LITAF: variants seen among roughly 807,000 people sequenced by gnomAD.
The protein encoded by LITAF is lipopolysaccharide-induced tumor necrosis factor-alpha factor.
A neutral mutation model predicts 14.5 loss-of-function variants in LITAF; 9 were observed. The observed-to-expected ratio is 0.62, with a 90% CI of 0.37 to 1.08. The LOEUF (loss-of-function observed/expected upper bound fraction) is 1.08. Among genes scored for constraint, LITAF ranks in the 50% least tolerant of loss-of-function variants. The pLI is 0.01. For synonymous variants in LITAF, 98 were observed against 88.2 expected (o/e 1.11, Z -0.62); for missense variants, 206 against 213.4 (o/e 0.97, Z 0.22).
Position 11,565,685 on chromosome 16 carries a change from C to A in LITAF, c.-5-8950G>T, listed in dbSNP as rs568366226. Among the ~76,000 whole-genome samples the A allele has an allele frequency of 1.2e-4, 19 of 152,162 alleles. No homozygotes were observed. The South Asian group carries it at 3.7e-3, about 30-fold the overall frequency. On this transcript the variant is annotated intron_variant, in intron 1 of 3. Transcript: ENST00000622633. ...GGACTGAGAAGATTCCCAGGATGCA[C>A]TGGTGCCCCTACCAACCGCACAGTC...
chr16:11,566,400 TC>T (rs1343483283), intron 1 of LITAF, among the ~76,000 whole-genome samples: 1 of 152,086 alleles, frequency 6.6e-6, no homozygotes, highest in Non-Finnish European at 1.5e-5. Flanking sequence ...CTCTGGTACT[TC>T]AACAGTTTGT....
At chr16:11,587,265 G>A, upstream of LITAF, 1 of 339,208 alleles carries the variant, frequency 2.9e-6, no homozygotes, top group South Asian at 2.2e-5. Flanking sequence ...CTCCTGATTT[G>A]CCGCTCGCGG....
At position 11,548,357 on chromosome 16, in the gene LITAF, C is replaced by A. The variant is rs765141086; in HGVS notation, c.*1280G>T. On this transcript the variant is annotated 3_prime_UTR_variant, in exon 4 of 4. Transcript: ENST00000622633. The stretch of plus-strand genomic sequence containing the variant: ...ATGTCTTCTCATGTTTTACAACAAG[C>A]TGTGTCTCTGAAAACTAAAATCAGA... 44 of 453,948 alleles carry A rather than the reference C, an allele frequency of 9.7e-5. 2 individuals carry two copies. The highest frequency in any genetic ancestry group is 6.8e-4 in the South Asian group (44 of 64,472). The allele number at this position is 453,948 out of a possible 1,614,324, so 28.1% of individuals were successfully genotyped here.
chr16:11,582,545 A>G (rs868236609), intron 1 of LITAF, among the ~76,000 whole-genome samples: 5 of 152,166 alleles, frequency 3.3e-5, no homozygotes, highest in Admixed American at 3.3e-4. Flanking sequence ...GAAATATTCA[A>G]TTCTACTCTG....
chr16:11,570,444 G>A (rs943473954), intron 1 of LITAF, among the ~76,000 whole-genome samples: 2 of 152,128 alleles, frequency 1.3e-5, no homozygotes, highest in African/African-American at 2.4e-5. Context: ...GTACCTCCAC[G>A]GCTTCACAGG....
At chr16:11,621,062 ATT>A (rs398038189) in intron 3 of LITAF, among the ~76,000 whole-genome samples, 1 of 144,866 alleles carries the variant, frequency 6.9e-6, no homozygotes. Flanking sequence ...CACCCAGTTA[ATT>A]TTTTTTTTTT....
chr16:11,551,787 G>A (rs1381757877), intron 3 of LITAF: 9 of 672,202 alleles, frequency 1.3e-5, no homozygotes, highest in Middle Eastern at 2.5e-4. Context: ...AGCTACGATC[G>A]TACCACTGCA....
At chr16:11,555,440 C>T (rs4338819) in intron 2 of LITAF, among the ~76,000 whole-genome samples, 56,089 of 151,918 alleles carry the variant, frequency 0.37, 11,003 homozygotes, top group Admixed American at 0.53. Context: ...GTGGGAAGAT[C>T]GTTTGAGCTC....
chr16:11,548,737 A>T lies in LITAF; in HGVS notation c.*900T>A, dbSNP rs762877077. ...ATGCCTGCAATCCCAGCACTTCGGG[A>T]GGCCAAGGCAGAAGGATCGCTTGAG... On this transcript the variant is annotated 3_prime_UTR_variant, in exon 4 of 4. Coordinates refer to ENST00000622633, the MANE Select transcript of LITAF (RefSeq NM_001136472.2). 2.2e-6 allele frequency: 1 copy of T among 453,552 alleles called. No homozygotes were observed. The allele number at this position is 453,552 out of a possible 1,614,324, so 28.1% of individuals were successfully genotyped here. A position where few individuals can be genotyped will look rare whatever the true frequency, so the allele number is the denominator to read the frequency against.
chr16:11,631,345 C>T (rs1442860904), intron 3 of LITAF, among the ~76,000 whole-genome samples: 1 of 152,180 alleles, frequency 6.6e-6, no homozygotes, highest in East Asian at 1.9e-4. Context: ...CTTTCAGCTT[C>T]TGGTGGCTCC....
chr16:11,562,849 A>T (rs992049615), intron 1 of LITAF, among the ~76,000 whole-genome samples: 15 of 152,196 alleles, frequency 9.9e-5, no homozygotes, highest in African/African-American at 2.9e-4. Flanking sequence ...ATAAGCTAGG[A>T]TCACGCCACT....
intron 3 of LITAF, among the ~76,000 whole-genome samples, chr16:11,613,421 C>G (rs903934902): frequency 1.2e-4 from 19 of 152,220 alleles, no homozygotes; most frequent in Admixed American, 1.2e-3. Flanking sequence ...GCTGCCTTCT[C>G]CTGACCATCT....
At chr16:11,602,415 C>T (rs1467132332), upstream of LITAF, among the ~76,000 whole-genome samples, 2 of 152,120 alleles carry the variant, frequency 1.3e-5, no homozygotes, top group Admixed American at 6.5e-5. Flanking sequence ...GAGCCCTACG[C>T]AGGCTGTTAT....
intron 1 of LITAF, among the ~76,000 whole-genome samples, chr16:11,562,408 A>T (rs980605050): frequency 6.6e-6 from 1 of 151,872 alleles, no homozygotes; most frequent in African/African-American, 2.4e-5. Flanking sequence ...ACTGGAGCCC[A>T]GAAATTAAGT....
At position 11,558,670 on chromosome 16, in the gene LITAF, T is replaced by C. The variant is rs745966473; in HGVS notation, c.-5-1935A>G. 1.3e-5 allele frequency among the ~76,000 whole-genome samples: 2 copies of C among 152,098 alleles called. No individual in the cohort carries two copies. Among genetic ancestry groups the C allele is most frequent in the Non-Finnish European group, 2.9e-5 (2 of 68,008 alleles). On this transcript the variant is annotated intron_variant, in intron 1 of 3. Transcript: ENST00000622633. This position sits in a 1 kb window ranked among gnomAD's most constrained non-coding sequence, Gnocchi z 4.1. ...CTGCAGTGAGCCATGATCACTCCACTGCACTCCAGCCTGGGAAACAGAGCG... is the reference window on the plus strand; with the variant it reads ...CTGCAGTGAGCCATGATCACTCCACCGCACTCCAGCCTGGGAAACAGAGCG...
intron 3 of LITAF, among the ~76,000 whole-genome samples, chr16:11,631,152 A>C (rs749569472): frequency 6.6e-6 from 1 of 152,210 alleles, no homozygotes; most frequent in Non-Finnish European, 1.5e-5. Context: ...GGGTAAGTGC[A>C]CTGCAGGAGA....
chr16:11,583,580 G>C (rs1257654293), intron 1 of LITAF, among the ~76,000 whole-genome samples: 1 of 152,148 alleles, frequency 6.6e-6, no homozygotes, highest in Non-Finnish European at 1.5e-5. Flanking sequence ...CGTTCTATAA[G>C]ATTATGCCTT....
Position 11,615,037 on chromosome 16 carries a change from G to A in LITAF, c.85+18496C>T, listed in dbSNP as rs2141883928. ...GCACCCAGCCCAGCAGCTGGCACGG[G>A]GTGGATGACCAGTCGGTACACACTG... On this transcript the variant is annotated intron_variant, in intron 3 of 3. Transcript: ENST00000574848. Among the ~76,000 whole-genome samples the A allele has an allele frequency of 1.3e-5, 2 of 152,296 alleles. 1 individual carries two copies. The highest frequency in any genetic ancestry group is 4.1e-4 in the South Asian group (2 of 4,822).
chr16:11,553,780 C>A lies in LITAF; in HGVS notation c.221-91G>T. The A allele has an allele frequency of 7.2e-7, 1 of 1,395,788 alleles. No homozygotes were observed. 86.5% of individuals were successfully genotyped at this position (1,395,788 alleles called of 1,614,324 possible). On this transcript the variant is annotated intron_variant, in intron 2 of 3. Coordinates refer to ENST00000622633, the MANE Select transcript of LITAF (RefSeq NM_001136472.2). This position sits in a 1 kb window ranked among gnomAD's most constrained non-coding sequence, Gnocchi z 7.7. ...GACAAAGAGAGGAACGCAGGGATGC[C>A]AGCAAATATTATATTTGTACATTTG... is the stretch of plus-strand genomic sequence containing the variant.
Sources: allele counts gnomAD v4.1 joint callset (sites outside exome capture counted in the v4.1 genomes callset), GRCh38; gene constraint gnomAD v4.1.1; non-coding constraint Gnocchi (gnomAD v3.1); transcripts MANE v1.5; gene names NCBI Gene and HGNC (gene_info 2026-07-23, HGNC 2026-07-21).